The following MTDH variants were observed in gnomAD, a reference collection of about 807,000 sequenced individuals.
MTDH encodes the protein metadherin.
In MTDH, 34 loss-of-function variants were observed where a neutral mutation model predicts 72.7. The observed-to-expected ratio is 0.47, with a 90% confidence interval of 0.36 to 0.62. The LOEUF (loss-of-function observed/expected upper bound fraction) is 0.62. Among genes scored for constraint, MTDH ranks in the 20% least tolerant of loss-of-function variants. The pLI, the probability that MTDH is intolerant of heterozygous loss-of-function variation, is 0.00. For missense variants in MTDH, 677 were observed against 699.4 expected, an observed-to-expected ratio of 0.97 and a Z score of 0.36; for synonymous variants, 266 against 268.9, an observed-to-expected ratio of 0.99 and a Z score of 0.10.
At chr8:97,683,933 A>G (rs1229547391) in intron 2 of MTDH, among the ~76,000 whole-genome samples, 2 of 152,042 alleles carry the variant, frequency 1.3e-5, no homozygotes, top group East Asian at 3.9e-4. Flanking sequence ...CCAACATGGA[A>G]AAACCCCATC....
intron 1 of MTDH, among the ~76,000 whole-genome samples, chr8:97,647,976 T>G (rs1440301019): frequency 6.6e-6 from 1 of 152,014 alleles, no homozygotes; most frequent in Non-Finnish European, 1.5e-5. Flanking sequence ...GCTTGTAGAT[T>G]CCTGATCTCT....
intron 6 of MTDH, among the ~76,000 whole-genome samples, chr8:97,694,046 T>C (rs1813725957): frequency 6.6e-6 from 1 of 152,164 alleles, no homozygotes; most frequent in South Asian, 2.1e-4. Context: ...AGTTATACTT[T>C]CTTGTGCATT....
intron 1 of MTDH, 114 bp downstream of exon 1, chr8:97,645,001 C>CG: frequency 2.5e-6 from 3 of 1,213,314 alleles, no homozygotes; most frequent in Non-Finnish European, 3.3e-6. Flanking sequence ...AGTCGAAAGC[C>CG]GAGAGGCAGC....
intron 1 of MTDH, among the ~76,000 whole-genome samples, chr8:97,657,847 A>G (rs16896064): frequency 0.031 from 4,792 of 152,230 alleles, 278 homozygotes; most frequent in African/African-American, 0.11. Context: ...GACAATCACA[A>G]GGGTAGACAC....
intron 7 of MTDH, among the ~76,000 whole-genome samples, chr8:97,705,469 G>A (rs1563560379): frequency 2.0e-5 from 3 of 151,866 alleles, no homozygotes; most frequent in Admixed American, 6.6e-5. Context: ...GTGTGGTGGC[G>A]CATGCCTGTA....
At chr8:97,657,186 G>A (rs1586206226) in intron 1 of MTDH, among the ~76,000 whole-genome samples, 3 of 152,036 alleles carry the variant, frequency 2.0e-5, no homozygotes, top group Non-Finnish European at 1.5e-5. Context: ...TGTGGGGGTC[G>A]AAGAAAATTA....
At chr8:97,670,450 C>A (rs895920135) in intron 2 of MTDH, among the ~76,000 whole-genome samples, 1 of 152,142 alleles carries the variant, frequency 6.6e-6, no homozygotes, top group African/African-American at 2.4e-5. Flanking sequence ...AGCCCCGTCT[C>A]TACTAAAAAT....
chr8:97,720,082 C>G (rs921536824), intron 10 of MTDH, among the ~76,000 whole-genome samples: 4 of 151,736 alleles, frequency 2.6e-5, no homozygotes, highest in Non-Finnish European at 5.9e-5. Context: ...GTCAGGAGTT[C>G]GAGACCAGCC....
At chr8:97,692,157 C>T (rs937490892) in intron 6 of MTDH, among the ~76,000 whole-genome samples, 2 of 152,038 alleles carry the variant, frequency 1.3e-5, no homozygotes, top group Non-Finnish European at 2.9e-5. Context: ...CTGGGATTTA[C>T]AGGCGTGCGC....
chr8:97,669,905 A>C (rs1201547603), intron 2 of MTDH, among the ~76,000 whole-genome samples: 3 of 140,846 alleles, frequency 2.1e-5, no homozygotes, highest in Non-Finnish European at 4.5e-5. Context: ...CCTGATCAAC[A>C]GAGGGAGACT....
intron 10 of MTDH, among the ~76,000 whole-genome samples, chr8:97,721,928 G>T (rs975752407): frequency 6.6e-6 from 1 of 152,214 alleles, no homozygotes; most frequent in Non-Finnish European, 1.5e-5. Context: ...CAGTGTGCTT[G>T]TAGGAAACAG....
At chr8:97,654,671 G>A (rs1228688526) in intron 1 of MTDH, among the ~76,000 whole-genome samples, 1 of 151,718 alleles carries the variant, frequency 6.6e-6, no homozygotes, top group Non-Finnish European at 1.5e-5. Flanking sequence ...CTGTCATCTA[G>A]GTTTTAAGCC....
chr8:97,697,150 A>ATATATATATTTTTTTTTT, intron 6 of MTDH, among the ~76,000 whole-genome samples: 6 of 68,794 alleles, frequency 8.7e-5, no homozygotes, highest in African/African-American at 3.6e-4. Flanking sequence ...ATATATATAT[A>ATATATATATTTTTTTTTT]TTTTTTTTTT....
At position 97,727,596 on chromosome 8, in the gene MTDH, A is replaced by G. The variant is rs1346721527; in HGVS notation, c.*2926A>G. ...GTGATTCAGGGAGGAGCAGGGGAAG[A>G]CAGCCTCCTATGGTGGCATGAATAA... On this transcript the variant is annotated 3_prime_UTR_variant, in exon 12 of 12. Transcript: ENST00000336273. 6.6e-6 allele frequency: 1 copy of G among 152,148 alleles called. No individual in the cohort carries two copies. The highest frequency in any genetic ancestry group is 1.5e-5 in the Non-Finnish European group (1 of 68,048). 9.4% of individuals were successfully genotyped at this position (152,148 alleles called of 1,614,324 possible).
At chr8:97,716,083 T>C (rs1814857631) in intron 9 of MTDH, among the ~76,000 whole-genome samples, 1 of 152,182 alleles carries the variant, frequency 6.6e-6, no homozygotes, top group African/African-American at 2.4e-5. Context: ...ATAGCACATA[T>C]ATCCTATTAA....
At chr8:97,674,929 G>T (rs146045342) in intron 2 of MTDH, among the ~76,000 whole-genome samples, 1 of 152,050 alleles carries the variant, frequency 6.6e-6, no homozygotes, top group Non-Finnish European at 1.5e-5. Context: ...TCCCACCTCA[G>T]CTTCCCAAGT....
chr8:97,677,437 G>C (rs1174001148), intron 2 of MTDH, among the ~76,000 whole-genome samples: 1 of 150,526 alleles, frequency 6.6e-6, no homozygotes, highest in Non-Finnish European at 1.5e-5. Context: ...GTTGCAGTGA[G>C]CTGAGATCAT....
In MTDH at chr8:97,727,887, G is replaced by T. The variant is rs1177091280; in HGVS notation, c.*3217G>T. On this transcript the variant is annotated 3_prime_UTR_variant, in exon 12 of 12. Coordinates refer to ENST00000336273, the MANE Select transcript of MTDH (RefSeq NM_178812.4). ...CAGTTGAGAGAGTCCAAAAAAAAAA[G>T]TATTAAAATGTGATTGATGTAATTT... 1 of 151,980 alleles carries T rather than the reference G, an allele frequency of 6.6e-6. No homozygotes were observed. Among genetic ancestry groups the T allele is most frequent in the African/African-American group, 2.4e-5 (1 of 41,350 alleles). The allele number at this position is 151,980 out of a possible 1,614,324, so 9.4% of individuals were successfully genotyped here.
chr8:97,698,134 A>G (rs1211453091), intron 6 of MTDH, among the ~76,000 whole-genome samples: 2 of 152,372 alleles, frequency 1.3e-5, no homozygotes, highest in African/African-American at 4.8e-5. Flanking sequence ...ATAAATTAGT[A>G]GTAAGGACTC....
Sources: allele counts gnomAD v4.1 joint callset (sites outside exome capture counted in the v4.1 genomes callset), GRCh38; gene constraint gnomAD v4.1.1; transcripts MANE v1.5; gene names NCBI Gene and HGNC (gene_info 2026-07-23, HGNC 2026-07-21).